The following ACIN1 variants were observed in gnomAD, a reference collection of about 807,000 sequenced individuals.
ACIN1 encodes the protein apoptotic chromatin condensation inducer in the nucleus.
Under a neutral mutation model 146.6 loss-of-function variants are expected in ACIN1, and 16 were observed. The observed-to-expected ratio is 0.11, with a 90% CI of 0.07 to 0.17. The LOEUF is 0.17. ACIN1 is among the 10% of genes least tolerant of loss of function. The probability of loss-of-function intolerance (pLI) is 1.00; values close to 1 mark genes in which losing one functional copy is unlikely to be tolerated. For missense variants in ACIN1, 1,357 were observed against 1,609.3 expected (o/e 0.84, Z 2.68); for synonymous variants, 569 against 582.7 (o/e 0.98, Z 0.34).
At position 23,080,773 on chromosome 14, in the gene ACIN1, C is replaced by T. The variant is rs2047924876; in HGVS notation, c.562G>A (p.Ala188Thr). The T allele has an allele frequency of 3.7e-6, 6 of 1,611,412 alleles. No individual in the cohort carries two copies. Among genetic ancestry groups the T allele is most frequent in the African/African-American group, 1.3e-5 (1 of 74,918 alleles). ...AAKLSEGSQP[A>T]EEEEDQETPS... Reference sequence around the variant, plus strand: ...GTTTCTTGATCCTCTTCCTCCTCAGCAGGTTGGCTGCCCTCAGACAGTTTA... The same window carrying T: ...GTTTCTTGATCCTCTTCCTCCTCAGTAGGTTGGCTGCCCTCAGACAGTTTA... Residue 188 changes from alanine to threonine, a missense_variant, in exon 6 of 19, where the codon GCT becomes ACT. By Grantham distance (58) the Ala-to-Thr change is moderately conservative. Transcript: ENST00000605057.
chr14:23,067,159 A>G lies in ACIN1; in HGVS notation c.2266-1151T>C, dbSNP rs1003334732. ...CAAAACAAAAAAAAAGGTCTTAATT[A>G]AAACAGGAAAAACATGAACCAAATA... On this transcript the variant is annotated intron_variant, in intron 9 of 18. Transcript: ENST00000605057. This position sits in a 1 kb window ranked among gnomAD's most constrained non-coding sequence, Gnocchi z 4.6. Among the ~76,000 whole-genome samples, 19 of 152,096 alleles carry G rather than the reference A, an allele frequency of 1.2e-4. No homozygotes were observed. The highest frequency in any genetic ancestry group is 1.5e-4 in the Non-Finnish European group (10 of 68,018).
chr14:23,063,185 A>T, intron 13 of ACIN1, 111 bp from the exon 14 acceptor site: 1 of 1,275,360 alleles, frequency 7.8e-7, no homozygotes, highest in Non-Finnish European at 1.1e-6. Flanking sequence ...GCCACTCCTT[A>T]ATCTAAACGT....
Position 23,058,994 on chromosome 14 carries a change from A to G in ACIN1, c.*154T>C. On this transcript the variant is annotated 3_prime_UTR_variant, in exon 19 of 19. Coordinates refer to ENST00000605057, the MANE Select transcript of ACIN1 (RefSeq NM_001386863.1). ...AGGTTAAGGGGGTGTGTTTGGGGGG[A>G]AAAGGATGGCCACTTTTCCATTTGG... 1 of 685,856 alleles carries G rather than the reference A, an allele frequency of 1.5e-6. No individual in the cohort carries two copies. The highest frequency in any genetic ancestry group is 1.9e-5 in the South Asian group (1 of 53,224). 42.5% of individuals were successfully genotyped at this position (685,856 alleles called of 1,614,324 possible).
rs1302360560 is a variant in ACIN1, at chr14:23,063,691, AG to A, written c.2596-115del. 3 of 1,262,196 alleles carry A rather than the reference AG, an allele frequency of 2.4e-6. No homozygotes were observed. The African/African-American group carries it at 4.5e-5, about 19-fold the overall frequency. 78.2% of individuals were successfully genotyped at this position (1,262,196 alleles called of 1,614,324 possible). On this transcript the variant is annotated intron_variant, in intron 12 of 18. Coordinates refer to ENST00000605057, the MANE Select transcript of ACIN1 (RefSeq NM_001386863.1). ...GTCAATCTAGCATGTTCCTTCCGCT[AG>A]GGGTATTTCGTTATCGGCTCACTTC...
At chr14:23,062,768 A>G (rs2047328536) in intron 14 of ACIN1, 161 bp downstream of exon 14, 1 of 1,005,476 alleles carries the variant, frequency 9.9e-7, no homozygotes, top group East Asian at 2.6e-5. Flanking sequence ...TTTCCCCCTC[A>G]TTTTTAGATG....
intron 4 of ACIN1, among the ~76,000 whole-genome samples, chr14:23,083,533 C>A (rs1336637208): frequency 6.6e-6 from 1 of 152,154 alleles, no homozygotes; most frequent in East Asian, 1.9e-4. Flanking sequence ...GAGATCGAGA[C>A]CATCCTGGCT....
chr14:23,060,671 C>G (rs776088127), intron 18 of ACIN1, among the ~76,000 whole-genome samples: 4 of 152,106 alleles, frequency 2.6e-5, no homozygotes, highest in Non-Finnish European at 5.9e-5. Flanking sequence ...GCCACTGCAC[C>G]CGGCTAATTT....
At chr14:23,072,819 C>G (rs1007138526) in intron 8 of ACIN1, among the ~76,000 whole-genome samples, 1 of 152,224 alleles carries the variant, frequency 6.6e-6, no homozygotes, top group Non-Finnish European at 1.5e-5. Flanking sequence ...TGGTCCCTGT[C>G]TGCTCAGGGT....
At position 23,078,879 on chromosome 14, in the gene ACIN1, G is replaced by A; in HGVS notation, c.1948C>T (p.Arg650Cys). Reference protein sequence around the residue: ...STSSSSVQARRLSQPESAEKH... With the variant: ...STSSSSVQARCLSQPESAEKH... ...TCAGCTGATTCAGGCTGACTCAGAC[G>A]CCTTGCTTGGACAGAGGATGAGGAG... Residue 650 changes from arginine (R) to cysteine (C), a missense_variant, in exon 7 of 19, where the codon CGT becomes TGT. Coordinates refer to ENST00000605057, the MANE Select transcript of ACIN1 (RefSeq NM_001386863.1). 1 of 1,613,830 alleles carries A rather than the reference G, an allele frequency of 6.2e-7. No homozygotes were observed. The highest frequency in any genetic ancestry group is 8.5e-7 in the Non-Finnish European group (1 of 1,180,002).
Position 23,066,145 on chromosome 14 carries a change from CACAGAGACAG to C in ACIN1, c.2266-147_2266-138del, listed in dbSNP as rs1459714783. The C allele has an allele frequency of 3.6e-5, 24 of 666,904 alleles. No homozygotes were observed. The East Asian group carries it at 5.8e-4, about 16-fold the overall frequency. The allele number at this position is 666,904 out of a possible 1,614,324, so 41.3% of individuals were successfully genotyped here. A position where few individuals can be genotyped will look rare whatever the true frequency, so the allele number is the denominator to read the frequency against. On this transcript the variant is annotated intron_variant, in intron 9 of 18. Transcript: ENST00000605057. Reference sequence around the variant, plus strand: ...AGTGAGAGAGAGAGACAGAGAGAGACACAGAGACAGACAGAGACCAAAACAGAAGCGGCAA... The same window carrying C: ...AGTGAGAGAGAGAGACAGAGAGAGACACAGAGACCAAAACAGAAGCGGCAA...
At position 23,080,663 on chromosome 14, in the gene ACIN1, A is replaced by T. The variant is rs769735359; in HGVS notation, c.672T>A (p.Asp224Glu). 132 of 1,611,758 alleles carry T rather than the reference A, an allele frequency of 8.2e-5. No individual in the cohort carries two copies. The highest frequency in any genetic ancestry group is 1.1e-4 in the Non-Finnish European group (125 of 1,179,592). Residue 224 changes from aspartate to glutamate, a missense_variant, in exon 6 of 19, where the codon GAT becomes GAA. Physicochemically the swap from Asp to Glu is conservative, Grantham distance 45. This residue lies in a region of ACIN1 where 771 missense variants were observed against 746.6 expected (regional missense o/e 1.03). Transcript: ENST00000605057. ...CATCATCACCTTCCTCTTCTTCATC[A>T]TCTTCTTCCTCCTCCTCCTCCTCCT... is the stretch of plus-strand genomic sequence containing the variant. ...EEEEEEEEEE[D>E]DEEEEGDDEG...
At position 23,068,753 on chromosome 14, in the gene ACIN1, C is replaced by T; in HGVS notation, c.2265+723G>A. 1 of 985,502 alleles carries T rather than the reference C, an allele frequency of 1.0e-6. No homozygotes were observed. Among genetic ancestry groups the T allele is most frequent in the Non-Finnish European group, 1.2e-6 (1 of 829,986 alleles). 61.0% of individuals were successfully genotyped at this position (985,502 alleles called of 1,614,324 possible). A position where few individuals can be genotyped will look rare whatever the true frequency, so the allele number is the denominator to read the frequency against. ...CAAATCACTTTCACCGGCCCCCACC[C>T]CCGCAACACACACCAGAAAAAGGCT... is the stretch of plus-strand genomic sequence containing the variant. On this transcript the variant is annotated intron_variant, in intron 9 of 18. Coordinates refer to ENST00000605057, the MANE Select transcript of ACIN1 (RefSeq NM_001386863.1). The surrounding 1 kb of genome is among the most constrained non-coding windows in gnomAD (Gnocchi z 4.3).
In ACIN1 at chr14:23,068,747, C is replaced by T; in HGVS notation, c.2265+729G>A. ...GCACATCAAATCACTTTCACCGGCC[C>T]CCACCCCCGCAACACACACCAGAAA... On this transcript the variant is annotated intron_variant, in intron 9 of 18. Coordinates refer to ENST00000605057, the MANE Select transcript of ACIN1 (RefSeq NM_001386863.1). The surrounding 1 kb of genome is among the most constrained non-coding windows in gnomAD (Gnocchi z 4.3). The T allele has an allele frequency of 1.0e-6, 1 of 985,450 alleles. No homozygotes were observed. Among genetic ancestry groups the T allele is most frequent in the Non-Finnish European group, 1.2e-6 (1 of 829,988 alleles). The allele number at this position is 985,450 out of a possible 1,614,324, so 61.0% of individuals were successfully genotyped here. A position where few individuals can be genotyped will look rare whatever the true frequency, so the allele number is the denominator to read the frequency against.
chr14:23,092,314 A>G (rs750375229), intron 2 of ACIN1, among the ~76,000 whole-genome samples: 6 of 152,240 alleles, frequency 3.9e-5, no homozygotes, highest in Non-Finnish European at 8.8e-5. Flanking sequence ...TTGGCACTCA[A>G]TGGACATTGT....
chr14:23,086,333 G>GT (rs1435394421), intron 4 of ACIN1, among the ~76,000 whole-genome samples: 1 of 152,184 alleles, frequency 6.6e-6, no homozygotes, highest in Non-Finnish European at 1.5e-5. Flanking sequence ...ATTTAAAAAT[G>GT]TATTTTCTTA....
intron 4 of ACIN1, among the ~76,000 whole-genome samples, chr14:23,086,955 C>G (rs2048104877): frequency 2.6e-5 from 4 of 152,128 alleles, no homozygotes; most frequent in Non-Finnish European, 2.9e-5. Context: ...TGTAGAGCCC[C>G]AGGACTCCCA....
chr14:23,089,801 T>C lies in ACIN1; in HGVS notation c.436+181A>G, dbSNP rs372467997. ...AAAACACTGAGAAGGTAACACAATA[T>C]ATAGGTGAAAGCAGACTTCAAAAAG... On this transcript the variant is annotated intron_variant, in intron 4 of 18. Coordinates refer to ENST00000605057, the MANE Select transcript of ACIN1 (RefSeq NM_001386863.1). 2.7e-4 allele frequency among the ~76,000 whole-genome samples: 41 copies of C among 152,154 alleles called. 1 individual carries two copies. Among genetic ancestry groups the C allele is most frequent in the African/African-American group, 6.7e-4 (28 of 41,504 alleles).
intron 8 of ACIN1, among the ~76,000 whole-genome samples, chr14:23,069,876 G>A (rs1405230754): frequency 6.6e-6 from 1 of 152,120 alleles, no homozygotes; most frequent in Admixed American, 6.5e-5. Flanking sequence ...TGTCATTTGT[G>A]GGGTTAGGAC....
At chr14:23,095,238 G>T (rs377393615), upstream of ACIN1, 247 of 1,610,948 alleles carry the variant, frequency 1.5e-4, no homozygotes, top group Non-Finnish European at 2.0e-4. Context: ...TTACCACTCA[G>T]AACTCCCCGG....
Sources: gnomAD v4.1 joint callset for allele counts (sites outside exome capture counted in the v4.1 genomes callset) on GRCh38, gnomAD v4.1.1 for gene constraint, gnomAD v4.1.1 regional missense constraint, Gnocchi (gnomAD v3.1) non-coding constraint, MANE v1.5 for transcripts, NCBI Gene and HGNC (gene_info 2026-07-23, HGNC 2026-07-21) for gene names.